FZD1: variants seen among roughly 807,000 people sequenced by gnomAD.
The protein encoded by FZD1 is frizzled-1.
In FZD1, 22 loss-of-function variants were observed where a neutral mutation model predicts 48.0. That is an observed-to-expected ratio of 0.46 (90% CI 0.33 to 0.65). The LOEUF is 0.65. Ranked by LOEUF, FZD1 falls within the 30% of genes least tolerant of loss-of-function variation. The pLI, the probability that FZD1 is intolerant of heterozygous loss-of-function variation, is 0.02. For missense variants in FZD1, 843 were observed against 898.1 expected (o/e 0.94, Z 0.78); for synonymous variants, 486 against 409.6 (o/e 1.19, Z -2.25).
rs1421564013 is a variant in FZD1 at position 91,271,289 on chromosome 7, C to T, written c.*4465C>T. 1 of 166,930 alleles carries T rather than the reference C, an allele frequency of 6.0e-6. No individual in the cohort carries two copies. Among genetic ancestry groups the T allele is most frequent in the Non-Finnish European group, 1.5e-5 (1 of 68,084 alleles). The allele number at this position is 166,930 out of a possible 1,614,324, so 10.3% of individuals were successfully genotyped here. A position where few individuals can be genotyped will look rare whatever the true frequency, so the allele number is the denominator to read the frequency against. Reference sequence around the variant, plus strand: ...ACAATTATAGTGACAAAACAGCTTGCTTAGAACCTGGAAATTAAAACACAA... The same window carrying T: ...ACAATTATAGTGACAAAACAGCTTGTTTAGAACCTGGAAATTAAAACACAA... On this transcript the variant is annotated 3_prime_UTR_variant, in exon 1 of 1. Coordinates refer to ENST00000287934, the MANE Select transcript of FZD1 (RefSeq NM_003505.2).
At position 91,269,060 on chromosome 7, in the gene FZD1, G is replaced by T. The variant is rs1046788587; in HGVS notation, c.*2236G>T. The T allele has an allele frequency of 6.0e-6, 1 of 166,430 alleles. No individual in the cohort carries two copies. Among genetic ancestry groups the T allele is most frequent in the African/African-American group, 2.4e-5 (1 of 41,402 alleles). The allele number at this position is 166,430 out of a possible 1,614,324, so 10.3% of individuals were successfully genotyped here. A position where few individuals can be genotyped will look rare whatever the true frequency, so the allele number is the denominator to read the frequency against. ...AAATTTACATGACTTTTTATATTATGGAGGTTTATTTTTAAATCATCACCT... is the reference window on the plus strand; with the variant it reads ...AAATTTACATGACTTTTTATATTATTGAGGTTTATTTTTAAATCATCACCT... On this transcript the variant is annotated 3_prime_UTR_variant, in exon 1 of 1. Coordinates refer to ENST00000287934, the MANE Select transcript of FZD1 (RefSeq NM_003505.2).
At position 91,265,536 on chromosome 7, in the gene FZD1, C is replaced by T. The variant is rs764174904; in HGVS notation, c.656C>T (p.Pro219Leu). The T allele has an allele frequency of 6.2e-7, 1 of 1,611,588 alleles. No individual in the cohort carries two copies. Among genetic ancestry groups the T allele is most frequent in the South Asian group, 1.1e-5 (1 of 91,086 alleles). ...WPDTLKCEKF[P>L]VHGAGELCVG... ...GACACGCTCAAGTGTGAGAAGTTCC[C>T]GGTGCACGGCGCCGGCGAGCTGTGC... The change falls in exon 1 of 1, where the codon CCG becomes CTG. Residue 219 changes from proline (P) to leucine (L), a missense_variant. By Grantham distance (98) the Pro-to-Leu change is moderately conservative. Coordinates refer to ENST00000287934, the MANE Select transcript of FZD1 (RefSeq NM_003505.2). This position sits in a 1 kb window ranked among gnomAD's most constrained non-coding sequence, Gnocchi z 6.9.
chr7:91,265,647 G>C lies in FZD1; in HGVS notation c.767G>C (p.Gly256Ala). The C allele has an allele frequency of 6.4e-7, 1 of 1,572,536 alleles. No individual in the cohort carries two copies. Among genetic ancestry groups the C allele is most frequent in the Non-Finnish European group, 8.6e-7 (1 of 1,161,718 alleles). Residue 256 changes from glycine (G) to alanine (A), a missense_variant, in exon 1 of 1, where the codon GGA becomes GCA. Transcript: ENST00000287934. The surrounding 1 kb of genome is among the most constrained non-coding windows in gnomAD (Gnocchi z 6.9). ...ACCAGCAACCCTCAGCACGGCGGCG[G>C]AGGGCACCGTGGCGGCTTCCCGGGG... ...FWTSNPQHGG[G>A]GHRGGFPGGA...
Position 91,265,499 on chromosome 7 carries a change from T to A in FZD1, c.619T>A (p.Phe207Ile). 1 of 1,612,812 alleles carries A rather than the reference T, an allele frequency of 6.2e-7. No homozygotes were observed. Among genetic ancestry groups the A allele is most frequent in the Non-Finnish European group, 8.5e-7 (1 of 1,179,814 alleles). Residue 207 changes from phenylalanine (F) to isoleucine (I), a missense_variant, in exon 1 of 1, where the codon TTC becomes ATC. By Grantham distance (21) the Phe-to-Ile change is conservative. Around this residue, in one of 2 missense-constraint regions of FZD1, gnomAD observed 490 missense variants for 466.5 expected, o/e 1.05. Transcript: ENST00000287934. This position sits in a 1 kb window ranked among gnomAD's most constrained non-coding sequence, Gnocchi z 6.9. ...GCEALMNKFG[F>I]QWPDTLKCEK... is the part of the protein sequence containing the mutation. Reference sequence around the variant, plus strand: ...CGAGGCGCTCATGAACAAGTTCGGCTTCCAGTGGCCAGACACGCTCAAGTG... The same window carrying A: ...CGAGGCGCTCATGAACAAGTTCGGCATCCAGTGGCCAGACACGCTCAAGTG...
rs1803847941 is a variant in FZD1 at position 91,265,041 on chromosome 7, A to G, written c.161A>G (p.Gln54Arg). ...GTTGACCCCCGGCGATTGGCGCGCC[A>G]GCTGCTGCTGCTGCTTTGGCTGCTG... ...PPVDPRRLAR[Q>R]LLLLLWLLEA... The change falls in exon 1 of 1, where the codon CAG (glutamine) becomes CGG (arginine). Residue 54 changes from glutamine (Q) to arginine (R), a missense_variant. Around this residue, in one of 2 missense-constraint regions of FZD1, gnomAD observed 490 missense variants for 466.5 expected, o/e 1.05. Transcript: ENST00000287934. The surrounding 1 kb of genome is among the most constrained non-coding windows in gnomAD (Gnocchi z 6.9). The G allele has an allele frequency of 2.9e-6, 4 of 1,400,464 alleles. No homozygotes were observed. The highest frequency in any genetic ancestry group is 3.7e-6 in the Non-Finnish European group (4 of 1,077,556). The allele number at this position is 1,400,464 out of a possible 1,614,324, so 86.8% of individuals were successfully genotyped here.
In FZD1 at chr7:91,264,572, G is replaced by T. The variant is rs985891281; in HGVS notation, c.-309G>T. The T allele has an allele frequency of 1.1e-5, 4 of 363,864 alleles. No homozygotes were observed. The East Asian group carries it at 1.6e-4, about 15-fold the overall frequency. The allele number at this position is 363,864 out of a possible 1,614,324, so 22.5% of individuals were successfully genotyped here. ...GGCTGCGGAGAGTTGCGCTCTCTAC[G>T]GGGCCGCGGCCACTAGCGCGGCGCC... On this transcript the variant is annotated 5_prime_UTR_variant, in exon 1 of 1. Coordinates refer to ENST00000287934, the MANE Select transcript of FZD1 (RefSeq NM_003505.2).
Position 91,269,949 on chromosome 7 carries a change from T to C in FZD1, c.*3125T>C, listed in dbSNP as rs1803945438. 6.0e-6 allele frequency: 1 copy of C among 167,096 alleles called. No homozygotes were observed. Among genetic ancestry groups the C allele is most frequent in the Non-Finnish European group, 1.5e-5 (1 of 68,110 alleles). 10.4% of individuals were successfully genotyped at this position (167,096 alleles called of 1,614,324 possible). A position where few individuals can be genotyped will look rare whatever the true frequency, so the allele number is the denominator to read the frequency against. On this transcript the variant is annotated 3_prime_UTR_variant, in exon 1 of 1. Transcript: ENST00000287934. ...TGCAGAAAGGTTTTACATGCTGTGG[T>C]TAAATAGCTTTAGAAGACATTTTTA...
rs772338017 is a variant in FZD1 at position 91,265,634 on chromosome 7, C to A, written c.754C>A (p.Gln252Lys). 1 of 1,593,880 alleles carries A rather than the reference C, an allele frequency of 6.3e-7. No homozygotes were observed. Among genetic ancestry groups the A allele is most frequent in the Non-Finnish European group, 8.5e-7 (1 of 1,169,880 alleles). ...LLPEFWTSNP[Q>K]HGGGGHRGGF... ...TCCAGAGTTCTGGACCAGCAACCCT[C>A]AGCACGGCGGCGGAGGGCACCGTGG... Residue 252 changes from glutamine (Q) to lysine (K), a missense_variant, in exon 1 of 1, where the codon CAG becomes AAG. Gln to Lys is a moderately conservative substitution (Grantham distance 53). Transcript: ENST00000287934. This position sits in a 1 kb window ranked among gnomAD's most constrained non-coding sequence, Gnocchi z 6.9.
At position 91,270,410 on chromosome 7, in the gene FZD1, A is replaced by T. The variant is rs886122702; in HGVS notation, c.*3586A>T. 1 of 167,024 alleles carries T rather than the reference A, an allele frequency of 6.0e-6. No homozygotes were observed. The highest frequency in any genetic ancestry group is 6.5e-5 in the Admixed American group (1 of 15,280). The allele number at this position is 167,024 out of a possible 1,614,324, so 10.3% of individuals were successfully genotyped here. A position where few individuals can be genotyped will look rare whatever the true frequency, so the allele number is the denominator to read the frequency against. On this transcript the variant is annotated 3_prime_UTR_variant, in exon 1 of 1. Coordinates refer to ENST00000287934, the MANE Select transcript of FZD1 (RefSeq NM_003505.2). ...GGGCCGGATTTTTTCAGCTTGTCCT[A>T]TGGTAGTCACTTGTCAGCCTGAGTT...
chr7:91,265,907 G>A lies in FZD1; in HGVS notation c.1027G>A (p.Val343Met), dbSNP rs3750146. The change falls in exon 1 of 1, where the codon GTG (valine) becomes ATG (methionine). Residue 343 changes from valine to methionine, a missense_variant. Val to Met is a conservative substitution (Grantham distance 21). Transcript: ENST00000287934. The surrounding 1 kb of genome is among the most constrained non-coding windows in gnomAD (Gnocchi z 6.9). ...GCTCTTCACGGTGCTTACGTACCTG[G>A]TGGACATGCGGCGCTTCAGCTACCC... ...STLFTVLTYL[V>M]DMRRFSYPER... is the part of the protein sequence containing the mutation. 8.0e-5 allele frequency: 129 copies of A among 1,614,176 alleles called. 1 individual carries two copies. In the East Asian group the frequency reaches 2.7e-3, roughly 34 times the overall value.
Position 91,264,507 on chromosome 7 carries a change from G to T in FZD1, c.-374G>T, listed in dbSNP as rs1803831698. 10 of 319,260 alleles carry T rather than the reference G, an allele frequency of 3.1e-5. No individual in the cohort carries two copies. In the East Asian group the frequency reaches 4.9e-4, roughly 16 times the overall value. 19.8% of individuals were successfully genotyped at this position (319,260 alleles called of 1,614,324 possible). Reference sequence around the variant, plus strand: ...CACAAATGGTCAGGCGGCGGCGGCGGAGAAGGAGGCGGAGGCGCAGGGGGG... The same window carrying T: ...CACAAATGGTCAGGCGGCGGCGGCGTAGAAGGAGGCGGAGGCGCAGGGGGG... On this transcript the variant is annotated 5_prime_UTR_variant, in exon 1 of 1. Transcript: ENST00000287934.
At position 91,265,594 on chromosome 7, in the gene FZD1, G is replaced by A. The variant is rs754722869; in HGVS notation, c.714G>A (p.Pro238=). 8 of 1,608,590 alleles carry A rather than the reference G, an allele frequency of 5.0e-6. No individual in the cohort carries two copies. Among genetic ancestry groups the A allele is most frequent in the South Asian group, 1.1e-5 (1 of 90,968 alleles). The change falls in exon 1 of 1, where the codon CCG becomes CCA. Residue 238 remains proline, a synonymous_variant. Transcript: ENST00000287934. This position sits in a 1 kb window ranked among gnomAD's most constrained non-coding sequence, Gnocchi z 6.9. The part of the protein sequence containing the change: ...VGQNTSDKGT[P]TPSLLPEFWT... ...AGAACACGTCCGACAAGGGCACCCC[G>A]ACGCCCTCGCTGCTTCCAGAGTTCT... is the stretch of plus-strand genomic sequence containing the variant.
rs1321338146 is a variant in FZD1, at chr7:91,265,192, C to T, written c.312C>T (p.Gly104=). The T allele has an allele frequency of 6.2e-7, 1 of 1,613,074 alleles. No homozygotes were observed. The highest frequency in any genetic ancestry group is 8.5e-7 in the Non-Finnish European group (1 of 1,179,844). ...QQQQSGQQYN[G]ERGISVPDHG... Reference sequence around the variant, plus strand: ...AACAGAGCGGGCAGCAGTACAACGGCGAGCGGGGCATCTCCGTCCCGGACC... The same window carrying T: ...AACAGAGCGGGCAGCAGTACAACGGTGAGCGGGGCATCTCCGTCCCGGACC... The change falls in exon 1 of 1, where the codon GGC becomes GGT. Residue 104 remains glycine (G), a synonymous_variant. Transcript: ENST00000287934. The surrounding 1 kb of genome is among the most constrained non-coding windows in gnomAD (Gnocchi z 6.9).
rs544725843 is a variant in FZD1, at chr7:91,268,059, C to T, written c.*1235C>T. ...CCTTAACAAGACAGCAAAACGTAAACAGAAATTGAAAACTTGAAGGATATT... is the reference window on the plus strand; with the variant it reads ...CCTTAACAAGACAGCAAAACGTAAATAGAAATTGAAAACTTGAAGGATATT... On this transcript the variant is annotated 3_prime_UTR_variant, in exon 1 of 1. Coordinates refer to ENST00000287934, the MANE Select transcript of FZD1 (RefSeq NM_003505.2). The T allele has an allele frequency of 6.0e-6, 1 of 167,172 alleles. No individual in the cohort carries two copies. Among genetic ancestry groups the T allele is most frequent in the Non-Finnish European group, 1.5e-5 (1 of 68,098 alleles). The allele number at this position is 167,172 out of a possible 1,614,324, so 10.4% of individuals were successfully genotyped here.
At position 91,264,954 on chromosome 7, in the gene FZD1, C is replaced by T. The variant is rs1027439486; in HGVS notation, c.74C>T (p.Ala25Val). 3 of 1,350,740 alleles carry T rather than the reference C, an allele frequency of 2.2e-6. No individual in the cohort carries two copies. Among genetic ancestry groups the T allele is most frequent in the Admixed American group, 3.7e-5 (1 of 26,712 alleles). 83.7% of individuals were successfully genotyped at this position (1,350,740 alleles called of 1,614,324 possible). Residue 25 changes from alanine to valine, a missense_variant, in exon 1 of 1, where the codon GCG (alanine) becomes GTG (valine). Coordinates refer to ENST00000287934, the MANE Select transcript of FZD1 (RefSeq NM_003505.2). ...GCGAGCTGGGAACTTTGTGCCGGGG[C>T]GCTCTCGGCCCGGCTGGCGGAGGAG... ...GGASWELCAG[A>V]LSARLAEEGS...
Position 91,265,268 on chromosome 7 carries a change from A to G in FZD1, c.388A>G (p.Asn130Asp). The G allele has an allele frequency of 1.2e-6, 2 of 1,614,102 alleles. No individual in the cohort carries two copies. The highest frequency in any genetic ancestry group is 1.7e-6 in the Non-Finnish European group (2 of 1,179,968). ...SIPLCTDIAY[N>D]QTIMPNLLGH... The stretch of plus-strand genomic sequence containing the variant: ...CCCGCTGTGCACGGACATCGCGTAC[A>G]ACCAGACCATCATGCCCAACCTGCT... Residue 130 changes from asparagine (N) to aspartate (D), a missense_variant, in exon 1 of 1, where the codon AAC becomes GAC. This residue lies in a region of FZD1 where 490 missense variants were observed against 466.5 expected (regional missense o/e 1.05). Transcript: ENST00000287934. The surrounding 1 kb of genome is among the most constrained non-coding windows in gnomAD (Gnocchi z 6.9).
Position 91,265,439 on chromosome 7 carries a change from T to C in FZD1, c.559T>C (p.Cys187Arg). The C allele has an allele frequency of 6.2e-7, 1 of 1,613,416 alleles. No homozygotes were observed. Among genetic ancestry groups the C allele is most frequent in the Non-Finnish European group, 8.5e-7 (1 of 1,179,792 alleles). Reference protein sequence around the residue: ...CTVLEQALPPCRSLCERARQG... With the variant: ...CTVLEQALPPRRSLCERARQG... The stretch of plus-strand genomic sequence containing the variant: ...CGTGCTAGAGCAGGCGCTGCCGCCC[T>C]GCCGCTCCCTGTGCGAGCGCGCGCG... The change falls in exon 1 of 1, where the codon TGC becomes CGC. Residue 187 changes from cysteine (C) to arginine (R), a missense_variant. This residue lies in a region of FZD1 where 490 missense variants were observed against 466.5 expected (regional missense o/e 1.05). Coordinates refer to ENST00000287934, the MANE Select transcript of FZD1 (RefSeq NM_003505.2). This position sits in a 1 kb window ranked among gnomAD's most constrained non-coding sequence, Gnocchi z 6.9.
chr7:91,265,640 G>C lies in FZD1; in HGVS notation c.760G>C (p.Gly254Arg), dbSNP rs768647155. ...GTTCTGGACCAGCAACCCTCAGCAC[G>C]GCGGCGGAGGGCACCGTGGCGGCTT... The part of the protein sequence containing the change: ...PEFWTSNPQH[G>R]GGGHRGGFPG... Residue 254 changes from glycine to arginine, a missense_variant, in exon 1 of 1, where the codon GGC becomes CGC. Gly to Arg is a moderately radical substitution (Grantham distance 125). Transcript: ENST00000287934. This position sits in a 1 kb window ranked among gnomAD's most constrained non-coding sequence, Gnocchi z 6.9. 7 of 1,574,210 alleles carry C rather than the reference G, an allele frequency of 4.4e-6. No homozygotes were observed. The African/African-American group carries it at 6.8e-5, about 15-fold the overall frequency.
chr7:91,265,054 G>A lies in FZD1; in HGVS notation c.174G>A (p.Leu58=). 1 of 1,390,214 alleles carries A rather than the reference G, an allele frequency of 7.2e-7. No individual in the cohort carries two copies. The highest frequency in any genetic ancestry group is 9.3e-7 in the Non-Finnish European group (1 of 1,075,040). 86.1% of individuals were successfully genotyped at this position (1,390,214 alleles called of 1,614,324 possible). A position where few individuals can be genotyped will look rare whatever the true frequency, so the allele number is the denominator to read the frequency against. ...PRRLARQLLL[L]LWLLEAPLLL... ...GATTGGCGCGCCAGCTGCTGCTGCT[G>A]CTTTGGCTGCTGGAGGCTCCGCTGC... is the stretch of plus-strand genomic sequence containing the variant. The change falls in exon 1 of 1, where the codon CTG becomes CTA. Residue 58 remains leucine, a synonymous_variant. Transcript: ENST00000287934. The surrounding 1 kb of genome is among the most constrained non-coding windows in gnomAD (Gnocchi z 6.9).
Sources: gnomAD v4.1 joint callset for allele counts on GRCh38, gnomAD v4.1.1 for gene constraint, gnomAD v4.1.1 regional missense constraint, Gnocchi (gnomAD v3.1) non-coding constraint, MANE v1.5 for transcripts, NCBI Gene and HGNC (gene_info 2026-07-23, HGNC 2026-07-21) for gene names.